Variants in OAS3 observed in about 807,000 individuals in gnomAD.
OAS3 encodes 2'-5'-oligoadenylate synthetase 3.
Under a neutral mutation model 113.0 loss-of-function variants are expected in OAS3, and 107 were observed. The ratio of observed to expected loss-of-function variants is 0.95; its 90% confidence interval spans 0.81 to 1.11. The LOEUF (loss-of-function observed/expected upper bound fraction) is 1.11, where lower values mean the gene tolerates loss of function less well. OAS3 is among the 50% of genes most tolerant of loss of function. OAS3 has a pLI of 0.00. For synonymous variants in OAS3, 552 were observed against 573.6 expected (o/e 0.96, Z 0.54); for missense variants, 1,258 against 1,389.1 (o/e 0.91, Z 1.50).
At chr12:112,960,660 A>T (rs2043874294) in intron 7 of OAS3, among the ~76,000 whole-genome samples, 1 of 152,150 alleles carries the variant, frequency 6.6e-6, no homozygotes. Flanking sequence ...TCCCTTTTAC[A>T]GATGAGGAAA....
At chr12:112,958,082 C>A (rs1376151920) in intron 7 of OAS3, among the ~76,000 whole-genome samples, 1 of 152,146 alleles carries the variant, frequency 6.6e-6, no homozygotes, top group Non-Finnish European at 1.5e-5. Flanking sequence ...TCATTTCATT[C>A]ATTTGATCTT....
intron 11 of OAS3, 39 bp from the exon 12 acceptor site, chr12:112,965,705 A>G: frequency 6.3e-7 from 1 of 1,575,256 alleles, no homozygotes; most frequent in Middle Eastern, 2.2e-4. Context: ...AGGCTAAGCC[A>G]TGCTTCAAGG....
chr12:112,969,058 G>A (rs911648003), intron 14 of OAS3, among the ~76,000 whole-genome samples: 2 of 152,174 alleles, frequency 1.3e-5, no homozygotes, highest in African/African-American at 4.8e-5. Flanking sequence ...AGCTAGTAGT[G>A]TCCAAAGGTT....
chr12:112,953,750 A>AT (rs1441726206), intron 7 of OAS3, among the ~76,000 whole-genome samples: 1 of 151,890 alleles, frequency 6.6e-6, no homozygotes, highest in Admixed American at 6.6e-5. Context: ...GATGATGAGC[A>AT]TTTTTTCATG....
intron 7 of OAS3, 115 bp from the exon 8 acceptor site, chr12:112,960,956 G>A (rs2043877289): frequency 3.2e-6 from 3 of 945,338 alleles, no homozygotes; most frequent in Admixed American, 2.2e-5. Flanking sequence ...ATTATTGATT[G>A]CAATGTTAGG....
At chr12:112,956,867 G>C (rs1190240820) in intron 7 of OAS3, among the ~76,000 whole-genome samples, 1 of 152,188 alleles carries the variant, frequency 6.6e-6, no homozygotes, top group Non-Finnish European at 1.5e-5. Flanking sequence ...TTGGTGCAGA[G>C]CTGAGTTCAA....
rs755704696 is a variant in OAS3, at chr12:112,950,909, C to T, written c.1591C>T (p.Gln531Ter). 1 of 1,614,008 alleles carries T rather than the reference C, an allele frequency of 6.2e-7. No homozygotes were observed. The highest frequency in any genetic ancestry group is 8.5e-7 in the Non-Finnish European group (1 of 1,179,900). ...GAATGTGCCTGAGGCTCTGCAGTTC[C>T]AGCTGGTGTCCACAGCCCTGAAGAG... ...EQNVPEALQF[Q>*]LVSTALKSWT... The change falls in exon 7 of 16, where the codon CAG (glutamine) becomes TAG (stop). Residue 531 changes from glutamine to a stop codon, truncating the protein, a stop_gained. Transcript: ENST00000228928. LOFTEE classifies it high-confidence loss of function.
chr12:112,966,133 C>A, intron 12 of OAS3, 104 bp downstream of exon 12: 7 of 1,154,704 alleles, frequency 6.1e-6, no homozygotes, highest in Non-Finnish European at 8.7e-6. Context: ...CATCTGTTCG[C>A]ATCATTGCAG....
intron 6 of OAS3, among the ~76,000 whole-genome samples, chr12:112,950,266 G>A (rs1175911481): frequency 6.6e-6 from 1 of 152,072 alleles, no homozygotes; most frequent in Non-Finnish European, 1.5e-5. Context: ...GTGTGAAGGA[G>A]GGAGGGAGGG....
intron 8 of OAS3, among the ~76,000 whole-genome samples, chr12:112,961,659 C>G (rs1400409395): frequency 1.3e-5 from 2 of 152,158 alleles, no homozygotes; most frequent in African/African-American, 2.4e-5. Flanking sequence ...CTGTCCAAGA[C>G]AGAAAAACCA....
Position 112,955,945 on chromosome 12 carries a change from G to A in OAS3, c.1657+4970G>A, listed in dbSNP as rs923999793. The stretch of plus-strand genomic sequence containing the variant: ...CCTCTTTGTACCTCTGGTAGAATTC[G>A]GCTGTGAATCCATCTGGTCCTGGAC... On this transcript the variant is annotated intron_variant, in intron 7 of 15. Coordinates refer to ENST00000228928, the MANE Select transcript of OAS3 (RefSeq NM_006187.4). 5.9e-5 allele frequency among the ~76,000 whole-genome samples: 9 copies of A among 152,238 alleles called. 1 individual carries two copies. Among genetic ancestry groups the A allele is most frequent in the African/African-American group, 1.7e-4 (7 of 41,546 alleles).
rs1321796242 is a variant in OAS3, at chr12:112,941,570, G to A, written c.178G>A (p.Gly60Arg). The A allele has an allele frequency of 6.2e-6, 10 of 1,610,778 alleles. No individual in the cohort carries two copies. The East Asian group carries it at 2.0e-4, about 32-fold the overall frequency. Residue 60 changes from glycine (G) to arginine (R), a missense_variant and splice_region_variant, in exon 2 of 16, where the codon GGA becomes AGA. By Grantham distance (125) the Gly-to-Arg change is moderately radical. Transcript: ENST00000228928. ...AAPRVLKTVK[G>R]GSSGRGTALK... Reference sequence around the variant, plus strand: ...TTCTGAGTTATTTTTCTTTGCCCAGGGAGGCTCCTCGGGCCGGGGCACAGC... The same window carrying A: ...TTCTGAGTTATTTTTCTTTGCCCAGAGAGGCTCCTCGGGCCGGGGCACAGC...
In OAS3 at chr12:112,962,758, A is replaced by G; in HGVS notation, c.1940A>G (p.Asp647Gly). Residue 647 changes from aspartate (D) to glycine (G), a missense_variant, in exon 9 of 16, where the codon GAT (aspartate) becomes GGT (glycine). Asp to Gly is a moderately conservative substitution (Grantham distance 94). Transcript: ENST00000228928. ...IFAWEQGCRQ[D>G]CFNMAQGFRT... Reference sequence around the variant, plus strand: ...GCCTGGGAGCAGGGCTGCAGGCAGGATTGTTTCAACATGGCCCAAGGCTTC... The same window carrying G: ...GCCTGGGAGCAGGGCTGCAGGCAGGGTTGTTTCAACATGGCCCAAGGCTTC... 6.2e-7 allele frequency: 1 copy of G among 1,613,966 alleles called. No homozygotes were observed. The highest frequency in any genetic ancestry group is 8.5e-7 in the Non-Finnish European group (1 of 1,179,888).
At position 112,938,494 on chromosome 12, in the gene OAS3, A is replaced by G. The variant is rs140941128; in HGVS notation, c.-37A>G. On this transcript the variant is annotated 5_prime_UTR_variant, in exon 1 of 16. Transcript: ENST00000228928. Reference sequence around the variant, plus strand: ...AAACCAGAAATCCGAAGGCCGCGCCAGAGCCCTGCTTCCCCTTGCACCTGC... The same window carrying G: ...AAACCAGAAATCCGAAGGCCGCGCCGGAGCCCTGCTTCCCCTTGCACCTGC... The G allele has an allele frequency of 6.6e-5, 101 of 1,519,424 alleles. 1 individual carries two copies. The African/African-American group carries it at 1.2e-3, about 18-fold the overall frequency. The allele number at this position is 1,519,424 out of a possible 1,614,324, so 94.1% of individuals were successfully genotyped here. A position where few individuals can be genotyped will look rare whatever the true frequency, so the allele number is the denominator to read the frequency against.
intron 3 of OAS3, chr12:112,945,140 T>A: frequency 4.6e-6 from 1 of 215,176 alleles, no homozygotes; most frequent in South Asian, 7.2e-5. Flanking sequence ...GGTGAAACCC[T>A]GTCTCTACTA....
rs35035664 is a variant in OAS3 at position 112,972,879 on chromosome 12, G to GGTGTGTGTGTGTGTGTGTGTGT, written c.*2919_*2940dup. On this transcript the variant is annotated 3_prime_UTR_variant, in exon 16 of 16. Transcript: ENST00000228928. The stretch of plus-strand genomic sequence containing the variant: ...AGAAATGCAGGACTGCAAAGAAATT[G>GGTGTGTGTGTGTGTGTGTGTGT]GTGTGTGTGTGTGTGTGTGTGTGTG... The GGTGTGTGTGTGTGTGTGTGTGT allele has an allele frequency of 1.3e-4, 19 of 147,360 alleles. No homozygotes were observed. The highest frequency in any genetic ancestry group is 4.5e-4 in the African/African-American group (18 of 39,924). 9.1% of individuals were successfully genotyped at this position (147,360 alleles called of 1,614,324 possible).
intron 2 of OAS3, among the ~76,000 whole-genome samples, chr12:112,942,870 C>T (rs2043692005): frequency 6.6e-6 from 1 of 151,510 alleles, no homozygotes; most frequent in African/African-American, 2.4e-5. Context: ...ATCCTTTGGG[C>T]AGATAGCCAC....
intron 11 of OAS3, among the ~76,000 whole-genome samples, chr12:112,964,835 T>C (rs1315808087): frequency 6.6e-6 from 1 of 152,214 alleles, no homozygotes; most frequent in Non-Finnish European, 1.5e-5. Context: ...ACTTGTTTTT[T>C]CTTAAAATTC....
intron 7 of OAS3, among the ~76,000 whole-genome samples, chr12:112,955,278 T>C (rs1245299549): frequency 6.6e-6 from 1 of 152,236 alleles, no homozygotes; most frequent in African/African-American, 2.4e-5. Context: ...CAGGGACAAT[T>C]TGACTTCCTC....
Sources: gnomAD v4.1 joint callset for allele counts (sites outside exome capture counted in the v4.1 genomes callset) on GRCh38, gnomAD v4.1.1 for gene constraint, MANE v1.5 for transcripts, NCBI Gene and HGNC (gene_info 2026-07-23, HGNC 2026-07-21) for gene names.